ZNF486: variants seen among roughly 807,000 people sequenced by gnomAD.
ZNF486 encodes KRAB box only protein 2.
A neutral mutation model predicts 12.8 loss-of-function variants in ZNF486; 12 were observed. That is an observed-to-expected ratio of 0.94 (90% CI 0.60 to 1.52). ZNF486 has a LOEUF of 1.52. Ranked by LOEUF, ZNF486 falls within the 40% of genes most tolerant of loss-of-function variation. The pLI, the probability that ZNF486 is intolerant of heterozygous loss-of-function variation, is 0.00. For synonymous variants in ZNF486, 231 were observed against 184.9 expected (o/e 1.25, Z -2.02); for missense variants, 738 against 545.0 (o/e 1.35, Z -3.53).
In ZNF486 at chr19:20,169,886, ATG is replaced by A. The variant is rs1417820554; in HGVS notation, c.30+2528_30+2529del. ...TAGAAGGGACATAAGATGGGGTTGT[ATG>A]TTTTTTTTTTTTTTTTTTTTTTGAG... On this transcript the variant is annotated intron_variant, in intron 1 of 3. Transcript: ENST00000335117. 3.0e-4 allele frequency among the ~76,000 whole-genome samples: 37 copies of A among 121,922 alleles called. 1 individual carries two copies. The highest frequency in any genetic ancestry group is 1.2e-3 in the African/African-American group (34 of 27,996). The allele number at this position is 121,922 out of a possible 152,430, so 80.0% of individuals were successfully genotyped here. A position where few individuals can be genotyped will look rare whatever the true frequency, so the allele number is the denominator to read the frequency against.
In ZNF486 at chr19:20,198,974, C is replaced by T. The variant is rs1486049679; in HGVS notation, c.*872C>T. ...CACCATAGAAATGTATGAAATGTGA[C>T]AAAGCCTTTATATGGTTGCCACACT... On this transcript the variant is annotated 3_prime_UTR_variant, in exon 4 of 4. Transcript: ENST00000335117. 1 of 150,940 alleles carries T rather than the reference C, an allele frequency of 6.6e-6. No individual in the cohort carries two copies. Among genetic ancestry groups the T allele is most frequent in the African/African-American group, 2.5e-5 (1 of 40,472 alleles). The allele number at this position is 150,940 out of a possible 1,614,324, so 9.4% of individuals were successfully genotyped here.
At chr19:20,179,652 C>T (rs1005638687) in intron 1 of ZNF486, among the ~76,000 whole-genome samples, 1 of 152,014 alleles carries the variant, frequency 6.6e-6, no homozygotes. Flanking sequence ...AAAAAAAAAG[C>T]CAGACTTTGG....
chr19:20,172,061 A>G (rs1439407741), intron 1 of ZNF486, among the ~76,000 whole-genome samples: 3 of 151,302 alleles, frequency 2.0e-5, no homozygotes, highest in Admixed American at 1.3e-4. Context: ...CTGGAGTGCA[A>G]TGGTGCAACC....
chr19:20,168,486 C>G (rs1331657250), intron 1 of ZNF486, among the ~76,000 whole-genome samples: 1 of 151,748 alleles, frequency 6.6e-6, no homozygotes, highest in Non-Finnish European at 1.5e-5. Context: ...GAAACCCTGT[C>G]TCTATTAAAA....
At chr19:20,187,077 C>T (rs534994078) in intron 3 of ZNF486, among the ~76,000 whole-genome samples, 11 of 152,072 alleles carry the variant, frequency 7.2e-5, no homozygotes, top group Admixed American at 2.6e-4. Context: ...GCCACCCCGC[C>T]CGGCCCATAG....
At chr19:20,181,310 C>CGGGCA (rs1568320978) in intron 1 of ZNF486, among the ~76,000 whole-genome samples, 1 of 152,034 alleles carries the variant, frequency 6.6e-6, no homozygotes, top group African/African-American at 2.4e-5. Flanking sequence ...GAGGCCAAGG[C>CGGGCA]GGGCAGATCA....
chr19:20,181,356 G>A (rs552666112), intron 1 of ZNF486, among the ~76,000 whole-genome samples: 4 of 152,202 alleles, frequency 2.6e-5, no homozygotes, highest in South Asian at 2.1e-4. Context: ...TGGCTAACAC[G>A]GTGAAACCCC....
At chr19:20,191,253 T>C (rs924792523) in intron 3 of ZNF486, among the ~76,000 whole-genome samples, 5 of 148,322 alleles carry the variant, frequency 3.4e-5, no homozygotes, top group Middle Eastern at 3.8e-3. Flanking sequence ...GGGTGGATCA[T>C]GAGGTCAGGA....
At chr19:20,181,786 TAAA>T (rs1353190236) in intron 1 of ZNF486, among the ~76,000 whole-genome samples, 29 of 152,150 alleles carry the variant, frequency 1.9e-4, no homozygotes, top group Non-Finnish European at 3.4e-4. Context: ...TACAGTGTTT[TAAA>T]AAAATTCATG....
chr19:20,197,769 AGAATGT>A lies in ZNF486; in HGVS notation c.1061_1066del (p.Glu354_Cys355del), dbSNP rs1555718295. On this transcript the variant is annotated inframe_deletion, in exon 4 of 4. Transcript: ENST00000335117. ...CGGGAGAGAAACCCTACAAATGTGA[AGAATGT>A]GGCAAAGCCTTCACCCGCTCCTCAC... is the stretch of plus-strand genomic sequence containing the variant. 1 of 1,613,934 alleles carries A rather than the reference AGAATGT, an allele frequency of 6.2e-7. No homozygotes were observed. The highest frequency in any genetic ancestry group is 1.7e-5 in the Admixed American group (1 of 60,012).
intron 1 of ZNF486, among the ~76,000 whole-genome samples, chr19:20,174,157 G>A (rs2089679862): frequency 6.6e-6 from 1 of 152,074 alleles, no homozygotes; most frequent in African/African-American, 2.4e-5. Flanking sequence ...AACATTAAAA[G>A]ATACTATGTT....
In ZNF486 at chr19:20,198,139, G is replaced by C. The variant is rs782619728; in HGVS notation, c.*37G>C. ...TTTATTATTATTATTTTTTTGAGAG[G>C]TAATTCTGCTGTTGTTTCCCAGGCT... On this transcript the variant is annotated 3_prime_UTR_variant, in exon 4 of 4. Transcript: ENST00000335117. The C allele has an allele frequency of 4.1e-5, 61 of 1,498,168 alleles. No homozygotes were observed. The highest frequency in any genetic ancestry group is 5.3e-5 in the Non-Finnish European group (60 of 1,121,704). 92.8% of individuals were successfully genotyped at this position (1,498,168 alleles called of 1,614,324 possible).
rs181985402 is a variant in ZNF486 at position 20,171,477 on chromosome 19, C to A, written c.30+4117C>A. Among the ~76,000 whole-genome samples the A allele has an allele frequency of 1.1e-3, 160 of 152,276 alleles. 1 individual carries two copies. The highest frequency in any genetic ancestry group is 1.4e-3 in the Non-Finnish European group (94 of 68,018). On this transcript the variant is annotated intron_variant, in intron 1 of 3. Transcript: ENST00000335117. The stretch of plus-strand genomic sequence containing the variant: ...TTTGATCCTAGTGTTTCTTGTGTTT[C>A]TTGTCAAGAACCCACAAGTCTCTAC...
intron 1 of ZNF486, among the ~76,000 whole-genome samples, chr19:20,167,728 C>T (rs2089600253): frequency 5.3e-5 from 8 of 152,076 alleles, no homozygotes; most frequent in Admixed American, 4.6e-4. Flanking sequence ...GTGGGGTTCA[C>T]AGTTTCTCTT....
intron 3 of ZNF486, among the ~76,000 whole-genome samples, chr19:20,194,709 C>A (rs2122682572): frequency 6.6e-6 from 1 of 151,756 alleles, no homozygotes; most frequent in Non-Finnish European, 1.5e-5. Context: ...GCTTGTGCAA[C>A]AAGATTGAAA....
intron 1 of ZNF486, among the ~76,000 whole-genome samples, chr19:20,174,574 G>C (rs147581381): frequency 6.9e-4 from 105 of 152,030 alleles, no homozygotes; most frequent in African/African-American, 2.5e-3. Flanking sequence ...ATTTATAGTA[G>C]AGATGGTTGT....
chr19:20,197,630 C>G lies in ZNF486; in HGVS notation c.920C>G (p.Ala307Gly), dbSNP rs1379417388. Residue 307 changes from alanine to glycine, a missense_variant, in exon 4 of 4, where the codon GCA becomes GGA. Transcript: ENST00000335117. ...TGTGACAAAGCTTTTAACCATCCTG[C>G]AACTCTTTCTTCACATAAGAAAATT... ...KECDKAFNHP[A>G]TLSSHKKIHT... is the part of the protein sequence containing the mutation. 1.2e-6 allele frequency: 2 copies of G among 1,613,816 alleles called. No individual in the cohort carries two copies. Among genetic ancestry groups the G allele is most frequent in the East Asian group, 4.5e-5 (2 of 44,884 alleles).
chr19:20,171,560 T>A (rs1278946618), intron 1 of ZNF486, among the ~76,000 whole-genome samples: 1 of 152,232 alleles, frequency 6.6e-6, no homozygotes, highest in Non-Finnish European at 1.5e-5. Flanking sequence ...ACCTGTTTTC[T>A]CCACCATCCT....
Position 20,167,323 on chromosome 19 carries a change from C to G in ZNF486, c.-8C>G. On this transcript the variant is annotated 5_prime_UTR_variant, in exon 1 of 4. Coordinates refer to ENST00000335117, the MANE Select transcript of ZNF486 (RefSeq NM_052852.4). ...TGTCCTGTAGGTATTGGGAGATCCA[C>G]AGCCAAGATGCCGGGACCCCTTAGA... The G allele has an allele frequency of 1.2e-6, 2 of 1,614,118 alleles. No individual in the cohort carries two copies. The highest frequency in any genetic ancestry group is 1.7e-6 in the Non-Finnish European group (2 of 1,179,970).
Sources: gnomAD v4.1 joint callset for allele counts (sites outside exome capture counted in the v4.1 genomes callset) on GRCh38, gnomAD v4.1.1 for gene constraint, MANE v1.5 for transcripts, NCBI Gene and HGNC (gene_info 2026-07-23, HGNC 2026-07-21) for gene names.